CCDC38: variants seen among roughly 807,000 people sequenced by gnomAD.
The protein encoded by CCDC38 is coiled-coil domain containing 38.
CCDC38 carries 69 observed loss-of-function variants against 72.8 expected under a neutral mutation model. The observed-to-expected ratio is 0.95, with a 90% CI of 0.78 to 1.16. CCDC38 has a LOEUF of 1.16. CCDC38 is among the 50% of genes most tolerant of loss of function. The pLI, the probability that CCDC38 is intolerant of heterozygous loss-of-function variation, is 0.00. For synonymous variants in CCDC38, 201 were observed against 213.2 expected (o/e 0.94, Z 0.50); for missense variants, 626 against 638.9 (o/e 0.98, Z 0.22).
intron 10 of CCDC38, among the ~76,000 whole-genome samples, chr12:95,882,849 C>G (rs2079716439): frequency 6.6e-6 from 1 of 152,242 alleles, no homozygotes; most frequent in South Asian, 2.1e-4. Context: ...CAACCTTCAA[C>G]TGGACATCAT....
intron 5 of CCDC38, among the ~76,000 whole-genome samples, chr12:95,900,713 C>T (rs55641314): frequency 0.066 from 10,101 of 152,180 alleles, 859 homozygotes; most frequent in African/African-American, 0.2. Context: ...TTATTGCCTA[C>T]TTCATTGTGC....
intron 11 of CCDC38, among the ~76,000 whole-genome samples, chr12:95,880,486 T>A (rs1381116329): frequency 6.6e-6 from 1 of 152,074 alleles, no homozygotes; most frequent in Non-Finnish European, 1.5e-5. Context: ...AAACCCCGAC[T>A]CTACTAGAAA....
chr12:95,907,443 G>C (rs868219094), intron 4 of CCDC38, among the ~76,000 whole-genome samples: 3 of 100,472 alleles, frequency 3.0e-5, no homozygotes, highest in East Asian at 7.3e-4. Context: ...GCGGCTGGCC[G>C]GGCAGGGGGC....
At position 95,917,274 on chromosome 12, in the gene CCDC38, G is replaced by T. The variant is rs1407985768; in HGVS notation, c.159C>A (p.Asn53Lys). ...AKETEKFMNR[N>K]MKVYQKTTFS... is the part of the protein sequence containing the mutation. ...AAGTAGTTTTCTGGTAGACTTTCAT[G>T]TTACGGTTCATAAATTTTTCCTGCC... The change falls in exon 4 of 16, where the codon AAC becomes AAA. Residue 53 changes from asparagine to lysine, a missense_variant. Asn to Lys is a moderately conservative substitution (Grantham distance 94). Transcript: ENST00000344280. The T allele has an allele frequency of 6.3e-7, 1 of 1,595,596 alleles. No homozygotes were observed.
rs2080407014 is a variant in CCDC38, at chr12:95,937,589, G to GCA, written c.-14-1068_-14-1067dup. 3.3e-5 allele frequency among the ~76,000 whole-genome samples: 5 copies of GCA among 152,280 alleles called. 1 individual carries two copies. In the South Asian group the frequency reaches 1.0e-3, roughly 32 times the overall value. Reference sequence around the variant, plus strand: ...GTTTATATTTAAAAATGTGCCCGCAGCAGAAACAATGGACAACACATTCTA... The same window carrying GCA: ...GTTTATATTTAAAAATGTGCCCGCAGCACAGAAACAATGGACAACACATTCTA... On this transcript the variant is annotated intron_variant, in intron 1 of 15. Coordinates refer to ENST00000344280, the MANE Select transcript of CCDC38 (RefSeq NM_182496.3).
At chr12:95,941,767 G>A (rs1006690195) in intron 1 of CCDC38, among the ~76,000 whole-genome samples, 3 of 152,018 alleles carry the variant, frequency 2.0e-5, no homozygotes, top group Non-Finnish European at 2.9e-5. Context: ...ATATATGTAT[G>A]TATAAACTTT....
At chr12:95,872,126 G>C (rs968278786) in intron 14 of CCDC38, 129 bp downstream of exon 14, 37 of 767,940 alleles carry the variant, frequency 4.8e-5, no homozygotes, top group Non-Finnish European at 8.0e-5. Flanking sequence ...GAGGAGAGCA[G>C]GGCTGGATTT....
At chr12:95,881,080 C>T (rs557900517) in intron 11 of CCDC38, among the ~76,000 whole-genome samples, 91 of 151,800 alleles carry the variant, frequency 6.0e-4, no homozygotes, top group Non-Finnish European at 1.1e-3. Flanking sequence ...GGTTGCATTT[C>T]GGGTGGGGTT....
intron 2 of CCDC38, among the ~76,000 whole-genome samples, chr12:95,921,418 T>C (rs1565963652): frequency 6.6e-6 from 1 of 152,144 alleles, no homozygotes; most frequent in African/African-American, 2.4e-5. Flanking sequence ...TCTGCATAGC[T>C]GGGAAGACCT....
Position 95,879,746 on chromosome 12 carries a change from C to G in CCDC38, c.1040G>C (p.Arg347Thr). 1 of 1,612,406 alleles carries G rather than the reference C, an allele frequency of 6.2e-7. No homozygotes were observed. The highest frequency in any genetic ancestry group is 8.5e-7 in the Non-Finnish European group (1 of 1,178,752). ...AGTAAGATTCTGCTCTTCCAGCTCT[C>G]TGAGGACTTGAAGTAACTCCTCTGG... ...KEPEELLQVLRELEEQNLTLF... is the reference protein window; with the variant it reads ...KEPEELLQVLTELEEQNLTLF... The change falls in exon 12 of 16, where the codon AGA (arginine) becomes ACA (threonine). Residue 347 changes from arginine (R) to threonine (T), a missense_variant. Arg to Thr is a moderately conservative substitution (Grantham distance 71). Coordinates refer to ENST00000344280, the MANE Select transcript of CCDC38 (RefSeq NM_182496.3). This position sits in a 1 kb window ranked among gnomAD's most constrained non-coding sequence, Gnocchi z 5.5.
intron 11 of CCDC38, among the ~76,000 whole-genome samples, chr12:95,880,607 C>T (rs900208190): frequency 4.0e-5 from 6 of 150,658 alleles, no homozygotes; most frequent in East Asian, 3.9e-4. Flanking sequence ...GAGCTGAGAT[C>T]GTGCCACTGC....
At chr12:95,905,537 G>T (rs2079992243) in intron 5 of CCDC38, among the ~76,000 whole-genome samples, 1 of 152,106 alleles carries the variant, frequency 6.6e-6, no homozygotes, top group Admixed American at 6.5e-5. Flanking sequence ...ATTTTATGTT[G>T]ATTGCAGCTG....
intron 2 of CCDC38, chr12:95,935,481 G>A (rs945819013): frequency 7.8e-6 from 2 of 256,392 alleles, no homozygotes; most frequent in South Asian, 3.7e-5. Context: ...AAGGAGTTGG[G>A]CCCCTGATGT....
In CCDC38 at chr12:95,911,196, T is replaced by C. The variant is rs565482206; in HGVS notation, c.305-4745A>G. ...AACTGGCTAGCCATATGCAGAAGAA[T>C]GAAACTAGATCCCTTCATCTTACCA... On this transcript the variant is annotated intron_variant, in intron 4 of 15. Coordinates refer to ENST00000344280, the MANE Select transcript of CCDC38 (RefSeq NM_182496.3). 7.9e-5 allele frequency among the ~76,000 whole-genome samples: 12 copies of C among 152,238 alleles called. No individual in the cohort carries two copies. In the South Asian group the frequency reaches 2.5e-3, roughly 32 times the overall value.
At chr12:95,874,639 GC>G (rs2121416344) in intron 13 of CCDC38, among the ~76,000 whole-genome samples, 1 of 152,314 alleles carries the variant, frequency 6.6e-6, no homozygotes, top group East Asian at 1.9e-4. Flanking sequence ...CCCTGGAACT[GC>G]CCCCAGATGG....
intron 2 of CCDC38, among the ~76,000 whole-genome samples, chr12:95,928,907 C>T (rs2080304041): frequency 6.6e-6 from 1 of 152,220 alleles, no homozygotes; most frequent in Non-Finnish European, 1.5e-5. Context: ...CTCAGATCTC[C>T]AGCTGCCTGC....
chr12:95,910,492 T>C lies in CCDC38; in HGVS notation c.305-4041A>G, dbSNP rs564781760. Among the ~76,000 whole-genome samples the C allele has an allele frequency of 3.3e-5, 5 of 152,224 alleles. No homozygotes were observed. In the South Asian group the frequency reaches 8.3e-4, roughly 25 times the overall value. ...ATGTCATTAAAAATGTCCACACTTATGAAAGCAATTTACAGATTCAATGCT... is the reference window on the plus strand; with the variant it reads ...ATGTCATTAAAAATGTCCACACTTACGAAAGCAATTTACAGATTCAATGCT... On this transcript the variant is annotated intron_variant, in intron 4 of 15. Coordinates refer to ENST00000344280, the MANE Select transcript of CCDC38 (RefSeq NM_182496.3).
chr12:95,899,392 G>A (rs1592776243), intron 5 of CCDC38, among the ~76,000 whole-genome samples: 1 of 152,308 alleles, frequency 6.6e-6, no homozygotes, highest in South Asian at 2.1e-4. Flanking sequence ...TGACCACCCA[G>A]GCTCAAGCAA....
intron 4 of CCDC38, among the ~76,000 whole-genome samples, chr12:95,909,517 A>C (rs546549843): frequency 6.6e-5 from 10 of 152,310 alleles, no homozygotes; most frequent in African/African-American, 1.9e-4. Context: ...TTACAAAAAA[A>C]TCTAAGAGAA....
Sources: gnomAD v4.1 joint callset for allele counts (sites outside exome capture counted in the v4.1 genomes callset) on GRCh38, gnomAD v4.1.1 for gene constraint, Gnocchi (gnomAD v3.1) non-coding constraint, MANE v1.5 for transcripts, NCBI Gene and HGNC (gene_info 2026-07-23, HGNC 2026-07-21) for gene names.